SLC12A6: variants seen among roughly 807,000 people sequenced by gnomAD.
SLC12A6 encodes the protein solute carrier family 12 member 6, also known as K-Cl cotransporter 3.
Under a neutral mutation model 135.3 loss-of-function variants are expected in SLC12A6, and 66 were observed. That is an observed-to-expected ratio of 0.49 (90% CI 0.40 to 0.60). The LOEUF (loss-of-function observed/expected upper bound fraction) is 0.60. SLC12A6 is among the 20% of genes least tolerant of loss of function. SLC12A6 has a pLI of 0.00. For missense variants in SLC12A6, 1,058 were observed against 1,452.3 expected, an observed-to-expected ratio of 0.73 and a Z score of 4.41; for synonymous variants, 513 against 508.8, an observed-to-expected ratio of 1.01 and a Z score of -0.11.
At chr15:34,309,571 A>G (rs915047180) in intron 2 of SLC12A6, among the ~76,000 whole-genome samples, 9 of 152,218 alleles carry the variant, frequency 5.9e-5, no homozygotes, top group African/African-American at 1.9e-4. Flanking sequence ...TAAGAAATCA[A>G]AGTGTCTGAG....
intron 23 of SLC12A6, 37 bp downstream of exon 23, chr15:34,236,671 A>C (rs769154883): frequency 3.4e-6 from 4 of 1,187,282 alleles, no homozygotes; most frequent in African/African-American, 1.5e-5. Flanking sequence ...GACAGACTTT[A>C]GAGAGCACGG....
chr15:34,246,325 T>C (rs149116716), intron 13 of SLC12A6, among the ~76,000 whole-genome samples: 81 of 152,276 alleles, frequency 5.3e-4, no homozygotes, highest in African/African-American at 1.9e-3. Flanking sequence ...CAAACGGCAC[T>C]ATTGACCTAT....
rs1205503019 is a variant in SLC12A6 at position 34,256,221 on chromosome 15, C to T, written c.745+8G>A. On this transcript the variant is annotated splice_region_variant and intron_variant, in intron 7 of 25. Transcript: ENST00000354181. ...ATAAATCCTGAAATACAACCTTGAC[C>T]TACTAACCTGGCACCACTCCATTAG... 1 of 1,572,830 alleles carries T rather than the reference C, an allele frequency of 6.4e-7. No homozygotes were observed. Among genetic ancestry groups the T allele is most frequent in the Admixed American group, 1.7e-5 (1 of 59,962 alleles).
chr15:34,285,068 G>A (rs1332679970), intron 2 of SLC12A6, among the ~76,000 whole-genome samples: 1 of 152,156 alleles, frequency 6.6e-6, no homozygotes, highest in Non-Finnish European at 1.5e-5. Flanking sequence ...GATCATGTGC[G>A]GCCTTGTAGG....
intron 2 of SLC12A6, among the ~76,000 whole-genome samples, chr15:34,298,252 G>A (rs547860257): frequency 2.0e-5 from 3 of 152,188 alleles, no homozygotes; most frequent in South Asian, 4.2e-4. Flanking sequence ...CGAGGCAGGT[G>A]GATCACAAGG....
At chr15:34,257,042 T>C (rs1892800406) in intron 6 of SLC12A6, among the ~76,000 whole-genome samples, 1 of 152,126 alleles carries the variant, frequency 6.6e-6, no homozygotes, top group Non-Finnish European at 1.5e-5. Flanking sequence ...CTGGGGATAA[T>C]ATACAGGTAG....
At chr15:34,255,135 AACTG>A in intron 8 of SLC12A6, 123 bp downstream of exon 8, 1 of 824,446 alleles carries the variant, frequency 1.2e-6, no homozygotes, top group Non-Finnish European at 2.1e-6. Context: ...GTAAGAGGCC[AACTG>A]ACGTTGGCAG....
chr15:34,282,475 G>A (rs949196043), intron 2 of SLC12A6, among the ~76,000 whole-genome samples: 1 of 152,140 alleles, frequency 6.6e-6, no homozygotes, highest in Non-Finnish European at 1.5e-5. Flanking sequence ...CTCCCTGGCT[G>A]GGCACAGTGC....
chr15:34,328,592 A>C (rs542540886), intron 2 of SLC12A6, among the ~76,000 whole-genome samples: 2 of 152,154 alleles, frequency 1.3e-5, no homozygotes, highest in Non-Finnish European at 2.9e-5. Flanking sequence ...TTAAAAGTAT[A>C]CCAGGGCCAG....
At chr15:34,268,859 C>T (rs60272290) in intron 3 of SLC12A6, among the ~76,000 whole-genome samples, 3,905 of 145,788 alleles carry the variant, frequency 0.027, 178 homozygotes, top group African/African-American at 0.092. Context: ...TTTTTTCTTT[C>T]TTTCTTTTTT....
intron 2 of SLC12A6, among the ~76,000 whole-genome samples, chr15:34,296,596 T>G (rs1895890720): frequency 6.6e-6 from 1 of 152,222 alleles, no homozygotes; most frequent in African/African-American, 2.4e-5. Context: ...CAACAAGGCA[T>G]GTATGAAATA....
intron 6 of SLC12A6, among the ~76,000 whole-genome samples, chr15:34,256,582 A>T (rs1246238246): frequency 6.6e-6 from 1 of 152,240 alleles, no homozygotes; most frequent in African/African-American, 2.4e-5. Context: ...TAGTATACTC[A>T]AAAGGAAGAA....
At position 34,254,058 on chromosome 15, in the gene SLC12A6, A is replaced by G. The variant is rs4780236; in HGVS notation, c.1118+290T>C. On this transcript the variant is annotated intron_variant, in intron 9 of 25. Transcript: ENST00000354181. ...CCTTTATGAATAGTTCAAAATGTGT[A>G]TAATAAAAAAAGATTATGTACAATT... 0.31 allele frequency among the ~76,000 whole-genome samples: 47,571 copies of G among 152,064 alleles called. 7,883 individuals carry two copies. The highest frequency in any genetic ancestry group is 0.59 in the East Asian group (3,028 of 5,154).
At chr15:34,280,949 T>A (rs1566835852) in intron 2 of SLC12A6, among the ~76,000 whole-genome samples, 1 of 152,126 alleles carries the variant, frequency 6.6e-6, no homozygotes, top group Non-Finnish European at 1.5e-5. Flanking sequence ...AAACACCACA[T>A]GTTCTCATTC....
At chr15:34,317,248 AC>A (rs1427402698) in intron 2 of SLC12A6, among the ~76,000 whole-genome samples, 1 of 152,224 alleles carries the variant, frequency 6.6e-6, no homozygotes, top group African/African-American at 2.4e-5. Context: ...GAAGGAAAAA[AC>A]AAAAGGAACA....
At chr15:34,334,371 G>C (rs771647431) in intron 2 of SLC12A6, among the ~76,000 whole-genome samples, 1 of 152,174 alleles carries the variant, frequency 6.6e-6, no homozygotes, top group Non-Finnish European at 1.5e-5. Context: ...AGCCAGCCTA[G>C]AGGGAAGTGT....
chr15:34,258,906 G>A lies in SLC12A6; in HGVS notation c.450C>T (p.Leu150=), dbSNP rs781656392. The A allele has an allele frequency of 4.3e-6, 7 of 1,610,984 alleles. No homozygotes were observed. The highest frequency in any genetic ancestry group is 1.7e-4 in the Middle Eastern group (1 of 6,058). The change falls in exon 5 of 26, where the codon CTC becomes CTT. Residue 150 remains leucine, a synonymous_variant. Coordinates refer to ENST00000354181, the MANE Select transcript of SLC12A6 (RefSeq NM_001365088.1). The part of the protein sequence containing the change: ...MDTRPKVSSL[L]NRMANYTNLT... ...GATTAGTGTAATTGGCCATGCGGTT[G>A]AGGAGGGAAGACACCTTCGGTCTGG...
chr15:34,235,430 GA>G, intron 24 of SLC12A6, 116 bp from the exon 25 acceptor site: 5 of 539,792 alleles, frequency 9.3e-6, no homozygotes, highest in Non-Finnish European at 1.6e-5. Flanking sequence ...CTGATAAAAT[GA>G]TTTTTTTTTT....
rs189326750 is a variant in SLC12A6 at position 34,252,692 on chromosome 15, C to T, written c.1119-308G>A. ...AGGTTAGGGAAATACAGTTATCTGT[C>T]CAAGGTCATAGGTGGTGGCAGTGAA... On this transcript the variant is annotated intron_variant, in intron 9 of 25. Transcript: ENST00000354181. 2.8e-3 allele frequency among the ~76,000 whole-genome samples: 420 copies of T among 152,204 alleles called. 2 individuals carry two copies. The highest frequency in any genetic ancestry group is 0.01 in the Middle Eastern group (3 of 294).
Sources: gnomAD v4.1 joint callset for allele counts (sites outside exome capture counted in the v4.1 genomes callset) on GRCh38, gnomAD v4.1.1 for gene constraint, MANE v1.5 for transcripts, NCBI Gene and HGNC (gene_info 2026-07-23, HGNC 2026-07-21) for gene names.